Variants in EEF2 observed in about 807,000 individuals in gnomAD.
EEF2 encodes elongation factor 2.
Under a neutral mutation model 85.3 loss-of-function variants are expected in EEF2, and 21 were observed. The ratio of observed to expected loss-of-function variants is 0.25; its 90% confidence interval spans 0.17 to 0.35. The LOEUF is 0.35. EEF2 is among the 10% of genes least tolerant of loss of function. EEF2 has a pLI of 1.00. For missense variants in EEF2, 825 were observed against 1,225.3 expected, an observed-to-expected ratio of 0.67 and a Z score of 4.88; for synonymous variants, 723 against 508.8, an observed-to-expected ratio of 1.42 and a Z score of -5.67.
intron 9 of EEF2, 40 bp downstream of exon 9, chr19:3,980,474 C>T: frequency 6.3e-7 from 1 of 1,587,078 alleles, no homozygotes; most frequent in Non-Finnish European, 8.6e-7. Flanking sequence ...GCAGGGCCCG[C>T]AACAGTGCCA....
chr19:3,982,201 A>G, intron 5 of EEF2, 45 bp downstream of exon 5: 3 of 1,608,840 alleles, frequency 1.9e-6, no homozygotes, highest in Non-Finnish European at 2.6e-6. Context: ...CGCTGCCACT[A>G]CCCCCAGGTG....
In EEF2 at chr19:3,983,219, G is replaced by C. The variant is rs951694156; in HGVS notation, c.291C>G (p.Gly97=). Residue 97 remains glycine, a synonymous_variant, in exon 3 of 15, where the codon GGC becomes GGG. Coordinates refer to ENST00000309311, the MANE Select transcript of EEF2 (RefSeq NM_001961.4). ...GGGAGTCAATGAGGTTGATGAGGAAGCCGGCACCGTCCTTGCTCTGCTTGA... is the reference window on the plus strand; with the variant it reads ...GGGAGTCAATGAGGTTGATGAGGAACCCGGCACCGTCCTTGCTCTGCTTGA... ...NFIKQSKDGA[G]FLINLIDSPG... is the part of the protein sequence containing the mutation. The C allele has an allele frequency of 3.1e-6, 5 of 1,614,052 alleles. No homozygotes were observed. The highest frequency in any genetic ancestry group is 4.2e-6 in the Non-Finnish European group (5 of 1,180,006).
intron 11 of EEF2, among the ~76,000 whole-genome samples, chr19:3,978,692 C>T (rs2039706451): frequency 6.7e-6 from 1 of 148,318 alleles, no homozygotes; most frequent in Non-Finnish European, 1.5e-5. Context: ...GAAGTCCCAG[C>T]TACAGGAGGC....
chr19:3,976,690 A>C lies in EEF2; in HGVS notation c.2441T>G (p.Phe814Cys). ...TGGQAFPQCV[F>C]DHWQILPGDP... ...TCCGGGCAGGATCTGCCAGTGGTCA[A>C]ACACACACTGGGGGAACGCCTGGCC... Residue 814 changes from phenylalanine to cysteine, a missense_variant, in exon 15 of 15, where the codon TTT becomes TGT. By Grantham distance (205) the Phe-to-Cys change is radical. Coordinates refer to ENST00000309311, the MANE Select transcript of EEF2 (RefSeq NM_001961.4). 1 of 1,608,386 alleles carries C rather than the reference A, an allele frequency of 6.2e-7. No homozygotes were observed. Among genetic ancestry groups the C allele is most frequent in the Non-Finnish European group, 8.5e-7 (1 of 1,178,858 alleles).
At position 3,980,508 on chromosome 19, in the gene EEF2, G is replaced by A. The variant is rs2039732082; in HGVS notation, c.1346+6C>T. ...CAAGGGGCCTGCACATCACCCAGCT[G>A]CTCACCTCTGGATTGGCTTCAGGTA... On this transcript the variant is annotated splice_donor_region_variant and intron_variant, in intron 9 of 14. Coordinates refer to ENST00000309311, the MANE Select transcript of EEF2 (RefSeq NM_001961.4). 2.5e-6 allele frequency: 4 copies of A among 1,609,482 alleles called. No homozygotes were observed. Among genetic ancestry groups the A allele is most frequent in the Middle Eastern group, 1.7e-4 (1 of 6,034 alleles).
At chr19:3,983,052 C>A (rs2039775851) in intron 3 of EEF2, 34 bp from the exon 4 acceptor site, 1 of 1,611,408 alleles carries the variant, frequency 6.2e-7, no homozygotes, top group Non-Finnish European at 8.5e-7. Flanking sequence ...GCGCTGTCAT[C>A]CTCAAGCAAG....
In EEF2 at chr19:3,978,025, C is replaced by T; in HGVS notation, c.1861G>A (p.Glu621Lys). ...DGLAEDIDKG[E>K]VSARQELKQR... ...TTGAGCTCCTGACGGGCGGACACCT[C>T]GCCTTTATCGATGTCCTCGGCCAGG... The change falls in exon 12 of 15, where the codon GAG becomes AAG. Residue 621 changes from glutamate (E) to lysine (K), a missense_variant. By Grantham distance (56) the Glu-to-Lys change is moderately conservative (BLOSUM62 1). Coordinates refer to ENST00000309311, the MANE Select transcript of EEF2 (RefSeq NM_001961.4). 3 of 1,606,180 alleles carry T rather than the reference C, an allele frequency of 1.9e-6. No individual in the cohort carries two copies. The highest frequency in any genetic ancestry group is 2.6e-6 in the Non-Finnish European group (3 of 1,174,936).
chr19:3,977,141 G>A lies in EEF2; in HGVS notation c.2383+74C>T, dbSNP rs1446326953. ...ATCAGGACGCCTCCTTTAACACCTT[G>A]CTAAGCTTAACTGGGCTTCTGTCCC... On this transcript the variant is annotated intron_variant, in intron 14 of 14. Transcript: ENST00000309311. The surrounding 1 kb of genome is among the most constrained non-coding windows in gnomAD (Gnocchi z 5.4). The A allele has an allele frequency of 4.5e-6, 7 of 1,571,010 alleles. No individual in the cohort carries two copies. The highest frequency in any genetic ancestry group is 8.6e-7 in the Non-Finnish European group (1 of 1,157,918).
intron 7 of EEF2, 117 bp from the exon 8 acceptor site, chr19:3,981,096 GCA>G (rs1568200900): frequency 4.2e-6 from 6 of 1,443,798 alleles, no homozygotes; most frequent in South Asian, 4.1e-5. Context: ...GTTCTCCAAA[GCA>G]CAGTCCCTTC....
chr19:3,981,466 C>A lies in EEF2; in HGVS notation c.898-14G>T, dbSNP rs1304940540. 5 of 1,608,630 alleles carry A rather than the reference C, an allele frequency of 3.1e-6. No individual in the cohort carries two copies. The highest frequency in any genetic ancestry group is 4.3e-6 in the Non-Finnish European group (5 of 1,176,190). On this transcript the variant is annotated splice_polypyrimidine_tract_variant and intron_variant, in intron 6 of 14. Coordinates refer to ENST00000309311, the MANE Select transcript of EEF2 (RefSeq NM_001961.4). ...CGCATCAAACACCTACATTCCCCAC[C>A]AAGAAACAAGAAAGCCCATTTGGGA... is the stretch of plus-strand genomic sequence containing the variant.
chr19:3,982,771 G>A (rs1350464852), intron 4 of EEF2, 36 bp downstream of exon 4: 30 of 1,585,498 alleles, frequency 1.9e-5, no homozygotes, highest in Non-Finnish European at 2.4e-5. Flanking sequence ...AGATCCCGCT[G>A]CGGCAAGCCC....
intron 8 of EEF2, 21 bp downstream of exon 8, chr19:3,980,820 C>G: frequency 6.3e-7 from 1 of 1,577,500 alleles, no homozygotes; most frequent in Non-Finnish European, 8.6e-7. Context: ...ATCTCAGGGC[C>G]CGGCCACCGG....
chr19:3,978,712 A>C (rs2039706748), intron 11 of EEF2, among the ~76,000 whole-genome samples: 1 of 144,630 alleles, frequency 6.9e-6, no homozygotes. Context: ...CTGAGGCAGG[A>C]GAATGGCGTG....
chr19:3,976,747 C>G lies in EEF2; in HGVS notation c.2384G>C (p.Gly795Ala). 6.4e-7 allele frequency: 1 copy of G among 1,564,956 alleles called. No homozygotes were observed. Among genetic ancestry groups the G allele is most frequent in the Non-Finnish European group, 8.6e-7 (1 of 1,160,550 alleles). Residue 795 changes from glycine to alanine, a missense_variant and splice_region_variant, in exon 15 of 15, where the codon GGC becomes GCC. Coordinates refer to ENST00000309311, the MANE Select transcript of EEF2 (RefSeq NM_001961.4). Reference protein sequence around the residue: ...KAYLPVNESFGFTADLRSNTG... With the variant: ...KAYLPVNESFAFTADLRSNTG... ...GTTGGACCTCAGGTCAGCGGTGAAG[C>G]CTGCAGAGGGAAGCGAGAGGCTCAC...
intron 5 of EEF2, 75 bp from the exon 6 acceptor site, chr19:3,982,127 A>G (rs531806704): frequency 6.3e-7 from 1 of 1,598,180 alleles, no homozygotes; most frequent in South Asian, 1.1e-5. Flanking sequence ...CGCCAAGGGG[A>G]CATGCTTGGG....
chr19:3,979,341 G>A lies in EEF2; in HGVS notation c.1701C>T (p.Cys567=). 1.2e-6 allele frequency: 2 copies of A among 1,613,862 alleles called. No homozygotes were observed. The highest frequency in any genetic ancestry group is 1.3e-5 in the African/African-American group (1 of 75,022). ...ACTGGCGCCTCACCTTGATGGGGATGCAGGCGTGGTCCTCCTCCAGGTCCT... is the reference window on the plus strand; with the variant it reads ...ACTGGCGCCTCACCTTGATGGGGATACAGGCGTGGTCCTCCTCCAGGTCCT... ...CLKDLEEDHA[C]IPIKKSDPVV... Residue 567 remains cysteine, a synonymous_variant, in exon 11 of 15, where the codon TGC becomes TGT. Coordinates refer to ENST00000309311, the MANE Select transcript of EEF2 (RefSeq NM_001961.4).
chr19:3,977,606 G>A lies in EEF2; in HGVS notation c.2072C>T (p.Ala691Val), dbSNP rs375866867. The A allele has an allele frequency of 6.6e-7, 1 of 1,517,034 alleles. No individual in the cohort carries two copies. The highest frequency in any genetic ancestry group is 1.4e-5 in the African/African-American group (1 of 72,806). 94.0% of individuals were successfully genotyped at this position (1,517,034 alleles called of 1,614,324 possible). ...ACCCCGCATGTTCTCCTCACACAGT[G>A]CGCCCTGGGGGAGGGGGAGAGCCAC... ...AGFQWATKEG[A>V]LCEENMRGVR... The change falls in exon 13 of 15, where the codon GCA (alanine) becomes GTA (valine). Residue 691 changes from alanine to valine, a missense_variant. By Grantham distance (64) the Ala-to-Val change is moderately conservative (BLOSUM62 0). Coordinates refer to ENST00000309311, the MANE Select transcript of EEF2 (RefSeq NM_001961.4). This position sits in a 1 kb window ranked among gnomAD's most constrained non-coding sequence, Gnocchi z 5.4.
chr19:3,981,908 A>T, intron 6 of EEF2, 39 bp downstream of exon 6: 3 of 1,588,104 alleles, frequency 1.9e-6, no homozygotes, highest in Non-Finnish European at 2.6e-6. Context: ...GAGGGCCAAT[A>T]GTCGCATCGG....
intron 6 of EEF2, among the ~76,000 whole-genome samples, chr19:3,981,716 C>T (rs78758018): frequency 0.014 from 2,183 of 152,364 alleles, 55 homozygotes; most frequent in African/African-American, 0.05. Flanking sequence ...GCCAAAGCCA[C>T]AAGTTATTCA....
Sources: allele counts gnomAD v4.1 joint callset (sites outside exome capture counted in the v4.1 genomes callset), GRCh38; gene constraint gnomAD v4.1.1; non-coding constraint Gnocchi (gnomAD v3.1); transcripts MANE v1.5; gene names NCBI Gene and HGNC (gene_info 2026-07-23, HGNC 2026-07-21).